Variants in DTX2 observed in about 807,000 individuals in gnomAD.
DTX2 encodes deltex E3 ubiquitin ligase 2, also known as probable E3 ubiquitin-protein ligase DTX2.
In DTX2, 29 loss-of-function variants were observed where a neutral mutation model predicts 55.3. That is an observed-to-expected ratio of 0.52 (90% CI 0.39 to 0.71). DTX2 has a LOEUF of 0.71. Ranked by LOEUF, DTX2 falls within the 30% of genes least tolerant of loss-of-function variation. DTX2 has a pLI of 0.00. For synonymous variants in DTX2, 276 were observed against 340.4 expected (o/e 0.81, Z 2.08); for missense variants, 537 against 822.5 (o/e 0.65, Z 4.25).
rs1299815460 is a variant in DTX2 at position 76,503,437 on chromosome 7, G to T, written c.1401G>T (p.Leu467=). 2 of 1,612,640 alleles carry T rather than the reference G, an allele frequency of 1.2e-6. No homozygotes were observed. The highest frequency in any genetic ancestry group is 1.3e-5 in the African/African-American group (1 of 75,038). Residue 467 remains leucine, a synonymous_variant, in exon 9 of 11, where the codon CTG becomes CTT. Coordinates refer to ENST00000430490, the MANE Select transcript of DTX2 (RefSeq NM_001102594.3). ...TCTGCCTCTGTCAGGATGGAAGTCT[G>T]CAGTGTCCCTCCTGCAAAACCATCT... The part of the protein sequence containing the change: ...MYCNGNKDGS[L]QCPSCKTIYG...
chr7:76,469,403 T>C, intron 2 of DTX2, among the ~76,000 whole-genome samples: 1 of 150,858 alleles, frequency 6.6e-6, no homozygotes, highest in African/African-American at 2.4e-5. Context: ...CCTTTTTTTT[T>C]TTTTTTTGAG....
Position 76,505,736 on chromosome 7 carries a change from G to C in DTX2, c.*135G>C, listed in dbSNP as rs755346853. On this transcript the variant is annotated 3_prime_UTR_variant, in exon 11 of 11. Coordinates refer to ENST00000430490, the MANE Select transcript of DTX2 (RefSeq NM_001102594.3). The surrounding 1 kb of genome is among the most constrained non-coding windows in gnomAD (Gnocchi z 4.4). ...TGTGGGGTGTGCCCCACCTGAAGCCGGGGCTCCCCCTGCCTGCCTCTCTCT... is the reference window on the plus strand; with the variant it reads ...TGTGGGGTGTGCCCCACCTGAAGCCCGGGCTCCCCCTGCCTGCCTCTCTCT... The C allele has an allele frequency of 1.1e-6, 1 of 933,080 alleles. No individual in the cohort carries two copies. Among genetic ancestry groups the C allele is most frequent in the East Asian group, 2.6e-5 (1 of 37,930 alleles). 57.8% of individuals were successfully genotyped at this position (933,080 alleles called of 1,614,324 possible).
intron 4 of DTX2, among the ~76,000 whole-genome samples, chr7:76,491,165 T>C (rs1381488293): frequency 6.7e-6 from 1 of 150,196 alleles, no homozygotes; most frequent in Non-Finnish European, 1.5e-5. Flanking sequence ...GCCTGGCTAA[T>C]TTTTGTAGTT....
chr7:76,484,916 GA>G (rs1218516241), intron 4 of DTX2, among the ~76,000 whole-genome samples: 1 of 127,458 alleles, frequency 7.8e-6, no homozygotes, highest in Non-Finnish European at 1.7e-5. Context: ...TCGCTTACAG[GA>G]GAGCACATTC....
At chr7:76,469,387 A>G (rs1441235087) in intron 2 of DTX2, among the ~76,000 whole-genome samples, 1 of 138,698 alleles carries the variant, frequency 7.2e-6, no homozygotes, top group Non-Finnish European at 1.5e-5. Flanking sequence ...TTTTACTGTG[A>G]ATATTCCTTT....
intron 2 of DTX2, among the ~76,000 whole-genome samples, chr7:76,464,159 A>G (rs1386113596): frequency 2.5e-3 from 386 of 151,536 alleles, no homozygotes; most frequent in African/African-American, 8.2e-3. Context: ...GGGGACGGTT[A>G]GAGGGAAGGT....
intron 2 of DTX2, among the ~76,000 whole-genome samples, chr7:76,469,132 G>C (rs1807555967): frequency 6.9e-6 from 1 of 144,542 alleles, no homozygotes; most frequent in South Asian, 2.3e-4. Flanking sequence ...ATTGTTTATG[G>C]TTGTTCTTGT....
chr7:76,476,811 G>A (rs1808594991), intron 2 of DTX2: 1 of 151,336 alleles, frequency 6.6e-6, no homozygotes, highest in African/African-American at 2.4e-5. Flanking sequence ...GTCATGGAGG[G>A]GCTTGTGTGC....
intron 2 of DTX2, chr7:76,477,299 G>A (rs1198723601): frequency 6.9e-6 from 1 of 144,982 alleles, no homozygotes; most frequent in Non-Finnish European, 1.5e-5. Context: ...TGACTCACCT[G>A]TGTTCTCATG....
intron 7 of DTX2, chr7:76,501,244 T>C (rs780825417): frequency 2.0e-5 from 9 of 455,794 alleles, no homozygotes; most frequent in South Asian, 1.2e-4. Flanking sequence ...ACCCAGGGAC[T>C]CTTCACTTGT....
intron 2 of DTX2, 105 bp from the exon 3 acceptor site, chr7:76,480,316 A>C: frequency 1.5e-6 from 1 of 687,534 alleles, no homozygotes; most frequent in Non-Finnish European, 2.3e-6. Context: ...AAAAAAAAAA[A>C]AAAATCAGCT....
chr7:76,481,028 G>A (rs1255238649), intron 3 of DTX2, among the ~76,000 whole-genome samples: 3 of 152,242 alleles, frequency 2.0e-5, no homozygotes, highest in African/African-American at 4.8e-5. Context: ...CGACCACAGA[G>A]GTTGAAGGGT....
chr7:76,464,794 G>A lies in DTX2; in HGVS notation c.-90+1085G>A, dbSNP rs543651729. Among the ~76,000 whole-genome samples the A allele has an allele frequency of 6.6e-5, 10 of 150,678 alleles. No homozygotes were observed. In the South Asian group the frequency reaches 2.1e-3, roughly 31 times the overall value. On this transcript the variant is annotated intron_variant, in intron 2 of 10. Coordinates refer to ENST00000430490, the MANE Select transcript of DTX2 (RefSeq NM_001102594.3). Reference sequence around the variant, plus strand: ...CGGTCTTCTTACATACATCATGCCAGCTTCTTCGTGGGGAGAGGCAGGTGA... The same window carrying A: ...CGGTCTTCTTACATACATCATGCCAACTTCTTCGTGGGGAGAGGCAGGTGA...
chr7:76,494,382 G>C (rs1470019836), intron 5 of DTX2, among the ~76,000 whole-genome samples: 1 of 89,090 alleles, frequency 1.1e-5, no homozygotes, highest in Non-Finnish European at 2.4e-5. Context: ...GTGTGTGCAT[G>C]TGCGGCCGTG....
At chr7:76,469,310 C>A (rs1381554298) in intron 2 of DTX2, among the ~76,000 whole-genome samples, 6 of 143,330 alleles carry the variant, frequency 4.2e-5, no homozygotes, top group Non-Finnish European at 6.0e-5. Flanking sequence ...TAGGTCCAGC[C>A]TGCAAATATT....
chr7:76,502,267 G>C (rs754340583), intron 7 of DTX2, 31 bp from the exon 8 acceptor site: 2 of 1,579,186 alleles, frequency 1.3e-6, no homozygotes, highest in Admixed American at 3.4e-5. Context: ...CCCACTGTTG[G>C]CGAGCATGAC....
chr7:76,497,729 A>G (rs1712334346), intron 6 of DTX2, among the ~76,000 whole-genome samples: 1 of 149,566 alleles, frequency 6.7e-6, no homozygotes, highest in Non-Finnish European at 1.5e-5. Context: ...GTTCTTGAGG[A>G]CTTTGTGATT....
chr7:76,476,494 G>T (rs1379421148), intron 2 of DTX2, among the ~76,000 whole-genome samples: 1 of 152,036 alleles, frequency 6.6e-6, no homozygotes, highest in Non-Finnish European at 1.5e-5. Flanking sequence ...CCCTCAGGGA[G>T]TTTCTGTTTT....
chr7:76,468,718 C>G (rs1369517603), intron 2 of DTX2, among the ~76,000 whole-genome samples: 1 of 71,890 alleles, frequency 1.4e-5, no homozygotes, highest in Non-Finnish European at 2.5e-5. Context: ...CTTGGCCTCC[C>G]AAAGTGCTGG....
Sources: allele counts gnomAD v4.1 joint callset (sites outside exome capture counted in the v4.1 genomes callset), GRCh38; gene constraint gnomAD v4.1.1; non-coding constraint Gnocchi (gnomAD v3.1); transcripts MANE v1.5; gene names NCBI Gene and HGNC (gene_info 2026-07-23, HGNC 2026-07-21).